Variants in PHIP observed in about 807,000 individuals in gnomAD.
PHIP encodes PH-interacting protein.
In PHIP, 54 loss-of-function variants were observed where a neutral mutation model predicts 236.8. That is an observed-to-expected ratio of 0.23 (90% CI 0.18 to 0.29). The LOEUF is 0.29. Ranked by LOEUF, PHIP falls within the 10% of genes least tolerant of loss-of-function variation. The pLI, the probability that PHIP is intolerant of heterozygous loss-of-function variation, is 1.00. For synonymous variants in PHIP, 756 were observed against 718.9 expected, an observed-to-expected ratio of 1.05 and a Z score of -0.83; for missense variants, 1,370 against 2,190.8, an observed-to-expected ratio of 0.63 and a Z score of 7.48.
chr6:78,945,913 C>CT, intron 38 of PHIP, 88 bp downstream of exon 38: 1 of 927,210 alleles, frequency 1.1e-6, no homozygotes, highest in Non-Finnish European at 1.7e-6. Flanking sequence ...CTAGGAATTA[C>CT]TAAAACTCAG....
Position 78,935,496 on chromosome 6 carries a change from T to C in PHIP, c.*5197A>G, listed in dbSNP as rs1773243500. On this transcript the variant is annotated 3_prime_UTR_variant, in exon 40 of 40. Transcript: ENST00000275034. The stretch of plus-strand genomic sequence containing the variant: ...TTTTTGAGAAAATATTTATGCAAAG[T>C]GTTCCACTGAAATGTATCTCTTACG... 1.0e-6 allele frequency: 1 copy of C among 978,736 alleles called. No homozygotes were observed. The highest frequency in any genetic ancestry group is 1.8e-5 in the African/African-American group (1 of 57,068). The allele number at this position is 978,736 out of a possible 1,614,324, so 60.6% of individuals were successfully genotyped here.
chr6:79,042,696 A>G, intron 7 of PHIP, 147 bp downstream of exon 7: 2 of 545,212 alleles, frequency 3.7e-6, no homozygotes, highest in Non-Finnish European at 6.3e-6. Flanking sequence ...ATTTAACTAA[A>G]CTCTTCTGTT....
At chr6:79,054,721 G>A (rs2127768261) in intron 6 of PHIP, among the ~76,000 whole-genome samples, 1 of 150,872 alleles carries the variant, frequency 6.6e-6, no homozygotes, top group African/African-American at 2.4e-5. Flanking sequence ...ATAAACCTAA[G>A]AGTCTAAGAA....
At chr6:78,994,261 A>G (rs1313597699) in intron 19 of PHIP, among the ~76,000 whole-genome samples, 1 of 152,216 alleles carries the variant, frequency 6.6e-6, no homozygotes, top group African/African-American at 2.4e-5. Flanking sequence ...CATTGCTGAA[A>G]TGTTAACAAA....
At chr6:78,973,342 C>T (rs892554985) in intron 24 of PHIP, among the ~76,000 whole-genome samples, 71 of 150,376 alleles carry the variant, frequency 4.7e-4, no homozygotes, top group African/African-American at 1.7e-3. Flanking sequence ...GATTTTGTCA[C>T]CACCAGGCCT....
intron 19 of PHIP, 43 bp downstream of exon 19, chr6:78,997,371 A>G (rs768241562): frequency 1.9e-6 from 3 of 1,557,202 alleles, no homozygotes; most frequent in East Asian, 2.2e-5. Context: ...TCCAAAATGA[A>G]CCCAAGGAAC....
chr6:79,054,667 TA>T (rs1261589770), intron 6 of PHIP, among the ~76,000 whole-genome samples: 4 of 150,772 alleles, frequency 2.7e-5, no homozygotes, highest in Non-Finnish European at 3.0e-5. Flanking sequence ...ATTTGTAATA[TA>T]AAAAAATTCT....
At chr6:78,998,735 A>G (rs1769792755) in intron 17 of PHIP, among the ~76,000 whole-genome samples, 3 of 152,184 alleles carry the variant, frequency 2.0e-5, no homozygotes, top group African/African-American at 7.2e-5. Flanking sequence ...ATATCTAATA[A>G]GTGGCAATAG....
chr6:78,937,808 T>G lies in PHIP; in HGVS notation c.*2885A>C, dbSNP rs1773331398. 6.6e-6 allele frequency: 1 copy of G among 151,800 alleles called. No homozygotes were observed. Among genetic ancestry groups the G allele is most frequent in the Admixed American group, 6.6e-5 (1 of 15,242 alleles). 9.4% of individuals were successfully genotyped at this position (151,800 alleles called of 1,614,324 possible). On this transcript the variant is annotated 3_prime_UTR_variant, in exon 40 of 40. Coordinates refer to ENST00000275034, the MANE Select transcript of PHIP (RefSeq NM_017934.7). ...TGAGTCTCTGATTAGACTAAATATT[T>G]AAACTAATGCTCCACTGAAACTTTT... is the stretch of plus-strand genomic sequence containing the variant.
In PHIP at chr6:78,965,942, T is replaced by C. The variant is rs930334255; in HGVS notation, c.3317+3A>G. On this transcript the variant is annotated splice_donor_region_variant and intron_variant, in intron 28 of 39. Transcript: ENST00000275034. Reference sequence around the variant, plus strand: ...AACTAAAATACAACAAATATTTCCTTACCAAACATTGTAGCATTGAAACAG... The same window carrying C: ...AACTAAAATACAACAAATATTTCCTCACCAAACATTGTAGCATTGAAACAG... The C allele has an allele frequency of 6.3e-7, 1 of 1,584,696 alleles. No individual in the cohort carries two copies. Among genetic ancestry groups the C allele is most frequent in the Non-Finnish European group, 8.7e-7 (1 of 1,153,216 alleles).
chr6:79,036,957 T>C (rs1320537116), intron 7 of PHIP, among the ~76,000 whole-genome samples: 1 of 147,882 alleles, frequency 6.8e-6, no homozygotes, highest in African/African-American at 2.5e-5. Context: ...GCAAGGCTGC[T>C]GACTTGATAC....
At chr6:78,996,160 T>C (rs1769603494) in intron 19 of PHIP, among the ~76,000 whole-genome samples, 2 of 152,164 alleles carry the variant, frequency 1.3e-5, no homozygotes, top group African/African-American at 4.8e-5. Flanking sequence ...ACTGATATGC[T>C]CTGGAAGAAA....
chr6:78,990,013 G>T (rs1221221531), intron 20 of PHIP, among the ~76,000 whole-genome samples: 1 of 152,078 alleles, frequency 6.6e-6, no homozygotes, highest in Non-Finnish European at 1.5e-5. Flanking sequence ...ATTTTGAAGA[G>T]ATGAGTAATA....
At chr6:79,032,851 C>A (rs181050986) in intron 7 of PHIP, among the ~76,000 whole-genome samples, 161 of 151,904 alleles carry the variant, frequency 1.1e-3, no homozygotes, top group African/African-American at 3.7e-3. Context: ...CCAGATCCAT[C>A]AAATGAATTA....
intron 28 of PHIP, 57 bp downstream of exon 28, chr6:78,965,888 G>T: frequency 7.6e-7 from 1 of 1,313,348 alleles, no homozygotes; most frequent in Non-Finnish European, 1.1e-6. Flanking sequence ...TTAATAGATG[G>T]AAAAAAAAAT....
intron 27 of PHIP, 48 bp downstream of exon 27, chr6:78,969,787 A>G: frequency 2.3e-6 from 2 of 873,288 alleles, no homozygotes; most frequent in South Asian, 1.8e-5. Context: ...ACTTACTAAG[A>G]AAAAAAAACC....
rs757721869 is a variant in PHIP at position 79,077,920 on chromosome 6, G to A, written c.41-7C>T. ...GCGATGAGGAAGTAGAGCTCTGCGC[G>A]GGAGAGAGGGACGGGGAGACACACA... On this transcript the variant is annotated splice_polypyrimidine_tract_variant and splice_region_variant and intron_variant, in intron 1 of 39. Transcript: ENST00000275034. 1.3e-5 allele frequency: 21 copies of A among 1,594,096 alleles called. No homozygotes were observed. Among genetic ancestry groups the A allele is most frequent in the Non-Finnish European group, 1.7e-5 (20 of 1,171,254 alleles).
chr6:78,991,093 A>T, intron 19 of PHIP, 108 bp from the exon 20 acceptor site: 2 of 670,458 alleles, frequency 3.0e-6, no homozygotes, highest in Non-Finnish European at 5.3e-6. Flanking sequence ...GTTTTATTTT[A>T]AGATGGAAGC....
chr6:79,022,836 A>G (rs1284751780), intron 9 of PHIP, among the ~76,000 whole-genome samples: 1 of 152,210 alleles, frequency 6.6e-6, no homozygotes, highest in Non-Finnish European at 1.5e-5. Context: ...GAGTTCCCAA[A>G]GTTGAATTGA....
Sources: allele counts gnomAD v4.1 joint callset (sites outside exome capture counted in the v4.1 genomes callset), GRCh38; gene constraint gnomAD v4.1.1; transcripts MANE v1.5; gene names NCBI Gene and HGNC (gene_info 2026-07-23, HGNC 2026-07-21).